Variants in PNKD observed in about 807,000 individuals in gnomAD.
PNKD encodes PNKD metallo-beta-lactamase domain containing, also known as probable thioesterase PNKD.
In PNKD, 36 loss-of-function variants were observed where a neutral mutation model predicts 45.3. That is an observed-to-expected ratio of 0.80 (90% CI 0.61 to 1.05). PNKD has a LOEUF of 1.05. Among genes scored for constraint, PNKD ranks in the 50% least tolerant of loss-of-function variants. The pLI is 0.00. For missense variants in PNKD, 511 were observed against 506.6 expected (o/e 1.01, Z -0.08); for synonymous variants, 197 against 210.1 (o/e 0.94, Z 0.54).
At chr2:218,279,368 C>T (rs776568042) in intron 2 of PNKD, 11 of 1,545,644 alleles carry the variant, frequency 7.1e-6, no homozygotes, top group Non-Finnish European at 7.8e-6. Context: ...ACACAGACGG[C>T]CGGGCATGGG....
intron 2 of PNKD, 120 bp from the exon 3 acceptor site, chr2:218,339,663 A>C (rs536065968): frequency 3.2e-5 from 23 of 719,866 alleles, no homozygotes; most frequent in African/African-American, 2.8e-4. Flanking sequence ...GTGAGAGTGG[A>C]ATTGCATTGG....
At chr2:218,298,081 T>C (rs1250724021) in intron 2 of PNKD, among the ~76,000 whole-genome samples, 1 of 151,810 alleles carries the variant, frequency 6.6e-6, no homozygotes, top group Non-Finnish European at 1.5e-5. Context: ...GTTGAGGTCA[T>C]CTAGGTGAAA....
At chr2:218,285,638 G>A (rs1256043831) in intron 2 of PNKD, 1 of 152,310 alleles carries the variant, frequency 6.6e-6, no homozygotes, top group African/African-American at 2.4e-5. Context: ...CCTGTCCTTG[G>A]TTACCGAGCT....
In PNKD at chr2:218,323,280, G is replaced by A. The variant is rs1304712921; in HGVS notation, c.237-16503G>A. On this transcript the variant is annotated intron_variant, in intron 2 of 9. Coordinates refer to ENST00000273077, the MANE Select transcript of PNKD (RefSeq NM_015488.5). ...GCCTGCCCCCAGCATGGCTTGGCAG[G>A]GCTGGCCCGCGGCGTGGCAGTGGGT... The A allele has an allele frequency of 2.6e-6, 4 of 1,546,806 alleles. No individual in the cohort carries two copies. In the South Asian group the frequency reaches 3.6e-5, roughly 14 times the overall value.
At chr2:218,305,760 G>A (rs192295134) in intron 2 of PNKD, among the ~76,000 whole-genome samples, 33 of 152,280 alleles carry the variant, frequency 2.2e-4, no homozygotes, top group African/African-American at 6.3e-4. Context: ...GCTGTGAGAT[G>A]ACATTTTTTC....
At chr2:218,321,019 C>T (rs1693972378) in intron 2 of PNKD, among the ~76,000 whole-genome samples, 1 of 152,214 alleles carries the variant, frequency 6.6e-6, no homozygotes, top group Non-Finnish European at 1.5e-5. Flanking sequence ...CCCGCCTTGA[C>T]TCCATATGTT....
chr2:218,307,203 T>G (rs1011641644), intron 2 of PNKD, among the ~76,000 whole-genome samples: 1 of 152,084 alleles, frequency 6.6e-6, no homozygotes, highest in Non-Finnish European at 1.5e-5. Flanking sequence ...CAGGGACCAG[T>G]TTCATGGAAG....
At chr2:218,328,635 C>T (rs1574706596) in intron 2 of PNKD, among the ~76,000 whole-genome samples, 1 of 152,184 alleles carries the variant, frequency 6.6e-6, no homozygotes, top group African/African-American at 2.4e-5. Context: ...GTAAGATGCA[C>T]CTCCCTCAAA....
At chr2:218,285,280 CCTAG>C (rs1401189983) in intron 2 of PNKD, among the ~76,000 whole-genome samples, 1 of 152,162 alleles carries the variant, frequency 6.6e-6, no homozygotes, top group Admixed American at 6.5e-5. Flanking sequence ...GCCAAGATAA[CCTAG>C]CTAGAGTGTG....
chr2:218,340,122 C>A lies in PNKD; in HGVS notation c.446C>A (p.Ser149Ter). 6.2e-7 allele frequency: 1 copy of A among 1,612,418 alleles called. No individual in the cohort carries two copies. Among genetic ancestry groups the A allele is most frequent in the South Asian group, 1.1e-5 (1 of 91,042 alleles). ...QAQLAVAVDP[S>*]DPRAVQASIE... Reference sequence around the variant, plus strand: ...CAGCTGGCTGTGGCTGTGGACCCTTCAGACCCTCGGGCTGTGCAGGTGAGG... The same window carrying A: ...CAGCTGGCTGTGGCTGTGGACCCTTAAGACCCTCGGGCTGTGCAGGTGAGG... The change falls in exon 4 of 10, where the codon TCA becomes TAA. Residue 149 changes from serine to a stop codon, truncating the protein, a stop_gained. Transcript: ENST00000273077. LOFTEE classifies it high-confidence loss of function. The surrounding 1 kb of genome is among the most constrained non-coding windows in gnomAD (Gnocchi z 4.2).
At chr2:218,279,291 A>G (rs986800429) in intron 2 of PNKD, 4 of 1,580,790 alleles carry the variant, frequency 2.5e-6, no homozygotes, top group Non-Finnish European at 3.4e-6. Context: ...AGACTTACAC[A>G]AAGGTGAAGA....
At chr2:218,337,175 C>T (rs919954419) in intron 2 of PNKD, among the ~76,000 whole-genome samples, 7 of 148,214 alleles carry the variant, frequency 4.7e-5, no homozygotes, top group African/African-American at 7.5e-5. Flanking sequence ...GGTGAGATCT[C>T]GGCTTACTAC....
At chr2:218,280,327 GA>G in intron 2 of PNKD, 1 of 536,426 alleles carries the variant, frequency 1.9e-6, no homozygotes, top group Non-Finnish European at 3.4e-6. Context: ...GCTTAGGTGG[GA>G]AACGTTCCTC....
rs754136722 is a variant in PNKD, at chr2:218,344,829, G to A, written c.1006G>A (p.Glu336Lys). The A allele has an allele frequency of 1.9e-6, 3 of 1,613,938 alleles. No individual in the cohort carries two copies. The highest frequency in any genetic ancestry group is 1.1e-5 in the South Asian group (1 of 91,070). The change falls in exon 10 of 10, where the codon GAG becomes AAG. Residue 336 changes from glutamate to lysine, a missense_variant. Transcript: ENST00000273077. ...KGTCPSTLGE[E>K]RSYNPFLRTH... Reference sequence around the variant, plus strand: ...ACAGTGCCCATCTACCCTGGGAGAGGAGCGCTCCTACAACCCGTTCCTGAG... The same window carrying A: ...ACAGTGCCCATCTACCCTGGGAGAGAAGCGCTCCTACAACCCGTTCCTGAG...
At chr2:218,281,861 A>G in intron 2 of PNKD, 3 of 1,088,024 alleles carry the variant, frequency 2.8e-6, no homozygotes, top group Admixed American at 2.2e-5. Flanking sequence ...AGAAGAGAAA[A>G]GGGGCAGGAG....
At chr2:218,344,614 C>T in intron 9 of PNKD, 44 bp downstream of exon 9, 1 of 1,531,756 alleles carries the variant, frequency 6.5e-7, no homozygotes, top group Middle Eastern at 1.8e-4. Flanking sequence ...GGCAGGCACT[C>T]AGCCCCAACG....
chr2:218,321,467 A>G (rs548448525), intron 2 of PNKD, among the ~76,000 whole-genome samples: 5 of 152,116 alleles, frequency 3.3e-5, no homozygotes, highest in African/African-American at 9.7e-5. Context: ...GTCCCTCAAG[A>G]TGTACCCACA....
intron 2 of PNKD, chr2:218,280,288 G>A (rs1188081984): frequency 3.3e-6 from 2 of 604,208 alleles, no homozygotes; most frequent in African/African-American, 1.9e-5. Context: ...CACCCTCAGA[G>A]TGACCCAGAG....
chr2:218,331,439 T>C (rs1402511629), intron 2 of PNKD, among the ~76,000 whole-genome samples: 1 of 151,418 alleles, frequency 6.6e-6, no homozygotes, highest in Non-Finnish European at 1.5e-5. Flanking sequence ...ATATACAGGA[T>C]TGTTTTGCAT....
Sources: gnomAD v4.1 joint callset for allele counts (sites outside exome capture counted in the v4.1 genomes callset) on GRCh38, gnomAD v4.1.1 for gene constraint, Gnocchi (gnomAD v3.1) non-coding constraint, MANE v1.5 for transcripts, NCBI Gene and HGNC (gene_info 2026-07-23, HGNC 2026-07-21) for gene names.